The following RMST variants were observed in gnomAD, a reference collection of about 807,000 sequenced individuals.
RMST encodes long intergenic non-protein coding RNA 54.
At chr12:97,559,088 T>TTCTCTC (rs56136727) in intron 11 of RMST, among the ~76,000 whole-genome samples, 6,103 of 146,574 alleles carry the variant, frequency 0.042, 141 homozygotes, top group Middle Eastern at 0.089. Flanking sequence ...ATTTCGAGGT[T>TTCTCTC]TCTCTCTCTC....
At chr12:97,563,496 C>T (rs1347341984) in intron 13 of RMST, 2 of 272,908 alleles carry the variant, frequency 7.3e-6, no homozygotes, top group African/African-American at 4.6e-5. Context: ...TGTCTGTCTT[C>T]TGTCTTTCCG....
intron 5 of RMST, among the ~76,000 whole-genome samples, chr12:97,474,101 C>T (rs893026971): frequency 5.3e-5 from 8 of 151,994 alleles, no homozygotes; most frequent in African/African-American, 1.9e-4. Flanking sequence ...AAGACAGATA[C>T]CCTTTTATTG....
intron 10 of RMST, among the ~76,000 whole-genome samples, chr12:97,510,904 A>G (rs1447694851): frequency 6.6e-6 from 1 of 152,110 alleles, no homozygotes; most frequent in Non-Finnish European, 1.5e-5. Context: ...TCATTGTGCA[A>G]ACACAATTTA....
intron 10 of RMST, among the ~76,000 whole-genome samples, chr12:97,515,505 C>G (rs1312296792): frequency 6.6e-6 from 1 of 152,072 alleles, no homozygotes; most frequent in East Asian, 1.9e-4. Flanking sequence ...CATGTCTGTT[C>G]AGGGACCTTG....
intron 10 of RMST, among the ~76,000 whole-genome samples, chr12:97,504,402 TCA>T (rs762782574): frequency 0.01 from 1,276 of 125,238 alleles, 46 homozygotes; most frequent in Middle Eastern, 0.017. Flanking sequence ...AGACTTCATT[TCA>T]AAAAAAAAAA....
chr12:97,503,798 A>T (rs533856470), intron 10 of RMST, among the ~76,000 whole-genome samples: 1 of 152,386 alleles, frequency 6.6e-6, no homozygotes, highest in Non-Finnish European at 1.5e-5. Flanking sequence ...CACACTTTCT[A>T]TTCCCATCTA....
At chr12:97,491,060 T>C (rs1013515146) in intron 5 of RMST, among the ~76,000 whole-genome samples, 1 of 152,242 alleles carries the variant, frequency 6.6e-6, no homozygotes, top group Non-Finnish European at 1.5e-5. Flanking sequence ...ATGTCATAGA[T>C]AACAGTTCTG....
chr12:97,495,571 C>T (rs1877318782), intron 9 of RMST, among the ~76,000 whole-genome samples: 1 of 152,072 alleles, frequency 6.6e-6, no homozygotes, highest in African/African-American at 2.4e-5. Flanking sequence ...CACTGCTACC[C>T]TGTATACTAT....
intron 10 of RMST, among the ~76,000 whole-genome samples, chr12:97,516,773 GAA>G (rs200191849): frequency 6.6e-6 from 1 of 151,448 alleles, no homozygotes; most frequent in East Asian, 1.9e-4. Context: ...ATAGGCTATA[GAA>G]AAAAAATCCA....
chr12:97,490,194 G>T (rs1368859067), intron 5 of RMST, among the ~76,000 whole-genome samples: 1 of 152,180 alleles, frequency 6.6e-6, no homozygotes, highest in African/African-American at 2.4e-5. Context: ...ACAGAGTAAA[G>T]CTCTAGTTCC....
intron 5 of RMST, among the ~76,000 whole-genome samples, chr12:97,469,896 T>G (rs1670222668): frequency 6.6e-6 from 1 of 152,258 alleles, no homozygotes; most frequent in Middle Eastern, 3.4e-3. Context: ...TAGGATACAA[T>G]TTTAAAATGT....
chr12:97,498,046 A>G (rs1484369978), intron 10 of RMST, among the ~76,000 whole-genome samples: 1 of 152,210 alleles, frequency 6.6e-6, no homozygotes, highest in Non-Finnish European at 1.5e-5. Context: ...CAACAAAGTA[A>G]TAATACAAAT....
chr12:97,501,711 G>T (rs1221082397), intron 10 of RMST, among the ~76,000 whole-genome samples: 1 of 152,102 alleles, frequency 6.6e-6, no homozygotes, highest in African/African-American at 2.4e-5. Flanking sequence ...GCAGATCTTA[G>T]AATGGCCATG....
intron 11 of RMST, among the ~76,000 whole-genome samples, chr12:97,557,646 A>C (rs1883803714): frequency 6.6e-6 from 1 of 152,102 alleles, no homozygotes; most frequent in Non-Finnish European, 1.5e-5. Context: ...TTCCCATTGC[A>C]AGCATAAAGT....
intron 11 of RMST, among the ~76,000 whole-genome samples, chr12:97,544,349 C>G (rs919628009): frequency 2.6e-5 from 4 of 152,002 alleles, no homozygotes; most frequent in Admixed American, 6.6e-5. Context: ...TTTGGTTAGC[C>G]TGATAGTAAA....
chr12:97,543,152 C>T (rs951559439), intron 11 of RMST, among the ~76,000 whole-genome samples: 4 of 152,012 alleles, frequency 2.6e-5, no homozygotes, highest in African/African-American at 9.7e-5. Flanking sequence ...TGGATGTGCT[C>T]ATATGCTGGA....
intron 5 of RMST, among the ~76,000 whole-genome samples, chr12:97,468,766 T>G (rs575848230): frequency 2.0e-5 from 3 of 152,130 alleles, no homozygotes; most frequent in South Asian, 4.1e-4. Context: ...GAATTCAATT[T>G]GCTAGAAATT....
At chr12:97,509,146 T>G (rs571170694) in intron 10 of RMST, among the ~76,000 whole-genome samples, 1 of 152,312 alleles carries the variant, frequency 6.6e-6, no homozygotes, top group African/African-American at 2.4e-5. Context: ...ACCACTTTCC[T>G]TCTCCCTTGC....
intron 11 of RMST, among the ~76,000 whole-genome samples, chr12:97,553,466 T>G: frequency 6.6e-6 from 1 of 152,234 alleles, no homozygotes. Flanking sequence ...TGTGCTACTC[T>G]CTTTTTGAAC....
Sources: gnomAD v4.1 joint callset for allele counts (sites outside exome capture counted in the v4.1 genomes callset) on GRCh38, gnomAD v4.1.1 for gene constraint, MANE v1.5 for transcripts, NCBI Gene and HGNC (gene_info 2026-07-23, HGNC 2026-07-21) for gene names.